Variants in DLGAP4 observed in about 807,000 individuals in gnomAD.
DLGAP4 encodes the protein disks large-associated protein 4.
In DLGAP4, 18 loss-of-function variants were observed where a neutral mutation model predicts 86.9. The observed-to-expected ratio is 0.21, with a 90% CI of 0.14 to 0.31. The LOEUF (loss-of-function observed/expected upper bound fraction) is 0.31, where lower values mean the gene tolerates loss of function less well. DLGAP4 is among the 10% of genes least tolerant of loss of function. DLGAP4 has a pLI of 1.00. For missense variants in DLGAP4, 1,085 were observed against 1,362.6 expected (o/e 0.80, Z 3.21); for synonymous variants, 548 against 574.3 (o/e 0.95, Z 0.65).
rs985910320 is a variant in DLGAP4, at chr20:36,318,609, A to G, written c.-304+12097A>G. On this transcript the variant is annotated intron_variant, in intron 1 of 12. Coordinates refer to ENST00000339266, the MANE Select transcript of DLGAP4 (RefSeq NM_001365621.2). Reference sequence around the variant, plus strand: ...GGCTGGTCTTGAACTCCTGGCTTCAAGTGATCCTCCCACCTCAACCTCTCA... The same window carrying G: ...GGCTGGTCTTGAACTCCTGGCTTCAGGTGATCCTCCCACCTCAACCTCTCA... Among the ~76,000 whole-genome samples the G allele has an allele frequency of 4.9e-4, 74 of 152,224 alleles. 1 individual carries two copies. In the East Asian group the frequency reaches 0.013, roughly 27 times the overall value.
chr20:36,410,374 C>T (rs149619430), intron 2 of DLGAP4, among the ~76,000 whole-genome samples: 10 of 152,282 alleles, frequency 6.6e-5, no homozygotes, highest in South Asian at 2.1e-4. Context: ...GTGGAGAATA[C>T]GGACCCCAAC....
Position 36,318,496 on chromosome 20 carries a change from C to G in DLGAP4, c.-304+11984C>G, listed in dbSNP as rs887881816. On this transcript the variant is annotated intron_variant, in intron 1 of 12. Coordinates refer to ENST00000339266, the MANE Select transcript of DLGAP4 (RefSeq NM_001365621.2). ...CAAGTGTTCCTCCCCACTCAGCCTCCCGAGTAGCTGGGACTACAGGGGTGC... is the reference window on the plus strand; with the variant it reads ...CAAGTGTTCCTCCCCACTCAGCCTCGCGAGTAGCTGGGACTACAGGGGTGC... Among the ~76,000 whole-genome samples, 729 of 152,284 alleles carry G rather than the reference C, an allele frequency of 4.8e-3. 3 individuals are homozygous for G. Among genetic ancestry groups the G allele is most frequent in the African/African-American group, 0.016 (683 of 41,556 alleles).
At chr20:36,458,042 G>A (rs1000125538) in intron 7 of DLGAP4, among the ~76,000 whole-genome samples, 1 of 152,144 alleles carries the variant, frequency 6.6e-6, no homozygotes, top group Non-Finnish European at 1.5e-5. Context: ...CAGGCTGGTG[G>A]GGGGCAGAGC....
rs2033130276 is a variant in DLGAP4, at chr20:36,431,564, T to C, written c.-72-82T>C. 1 of 828,198 alleles carries C rather than the reference T, an allele frequency of 1.2e-6. No individual in the cohort carries two copies. The highest frequency in any genetic ancestry group is 1.8e-6 in the Non-Finnish European group (1 of 547,972). The allele number at this position is 828,198 out of a possible 1,614,324, so 51.3% of individuals were successfully genotyped here. ...CTGGCTTCAGAGATCCTCCCAGCCTTGCGATCTGGATCTGACCTTCCCGGC... is the reference window on the plus strand; with the variant it reads ...CTGGCTTCAGAGATCCTCCCAGCCTCGCGATCTGGATCTGACCTTCCCGGC... On this transcript the variant is annotated intron_variant, in intron 2 of 12. Coordinates refer to ENST00000339266, the MANE Select transcript of DLGAP4 (RefSeq NM_001365621.2). This position sits in a 1 kb window ranked among gnomAD's most constrained non-coding sequence, Gnocchi z 5.1.
intron 7 of DLGAP4, among the ~76,000 whole-genome samples, chr20:36,458,019 A>AG (rs1173506591): frequency 6.6e-6 from 1 of 151,986 alleles, no homozygotes; most frequent in African/African-American, 2.4e-5. Flanking sequence ...GCCCTGAGGC[A>AG]GGAGGTGCCT....
At chr20:36,348,807 A>G (rs2030031347) in intron 1 of DLGAP4, among the ~76,000 whole-genome samples, 1 of 151,916 alleles carries the variant, frequency 6.6e-6, no homozygotes, top group Non-Finnish European at 1.5e-5. Flanking sequence ...TCAGGAATAA[A>G]GAGTGATATG....
rs746692284 is a variant in DLGAP4 at position 36,439,804 on chromosome 20, C to T, written c.1292C>T (p.Pro431Leu). The T allele has an allele frequency of 2.5e-5, 40 of 1,613,744 alleles. No homozygotes were observed. Among genetic ancestry groups the T allele is most frequent in the East Asian group, 1.8e-4 (8 of 44,886 alleles). Residue 431 changes from proline to leucine, a missense_variant, in exon 5 of 13, where the codon CCG becomes CTG. By Grantham distance (98) the Pro-to-Leu change is moderately conservative. Around this residue, in one of 2 missense-constraint regions of DLGAP4, gnomAD observed 1,082 missense variants for 1,344.1 expected, o/e 0.81. Coordinates refer to ENST00000339266, the MANE Select transcript of DLGAP4 (RefSeq NM_001365621.2). Reference sequence around the variant, plus strand: ...GACATGCTGCTGCCCTCCAAGTGTCCGAGCTGGGAAGAGGACTACACCCCC... The same window carrying T: ...GACATGCTGCTGCCCTCCAAGTGTCTGAGCTGGGAAGAGGACTACACCCCC... ...SVDMLLPSKC[P>L]SWEEDYTPVS...
chr20:36,386,294 T>G (rs1328734566), intron 2 of DLGAP4, among the ~76,000 whole-genome samples: 1 of 151,530 alleles, frequency 6.6e-6, no homozygotes, highest in East Asian at 1.9e-4. Flanking sequence ...ATAGCAAGGA[T>G]AGAAGTTGGG....
At chr20:36,439,663 G>A in intron 4 of DLGAP4, 91 bp from the exon 5 acceptor site, 1 of 1,088,022 alleles carries the variant, frequency 9.2e-7, no homozygotes, top group South Asian at 1.3e-5. Context: ...CACAGGTGTG[G>A]ACCACCTGTG....
At chr20:36,411,035 G>A (rs2032482220) in intron 2 of DLGAP4, among the ~76,000 whole-genome samples, 1 of 152,142 alleles carries the variant, frequency 6.6e-6, no homozygotes, top group Non-Finnish European at 1.5e-5. Flanking sequence ...CTGTTGCCCA[G>A]GCTGGAATGC....
At chr20:36,314,022 C>G (rs1029958153) in intron 1 of DLGAP4, among the ~76,000 whole-genome samples, 1 of 152,084 alleles carries the variant, frequency 6.6e-6, no homozygotes, top group African/African-American at 2.4e-5. Flanking sequence ...GTGAGTGTGG[C>G]GGCAGGTGAA....
chr20:36,346,857 G>A (rs2147382601), intron 1 of DLGAP4, among the ~76,000 whole-genome samples: 1 of 152,262 alleles, frequency 6.6e-6, no homozygotes, highest in Middle Eastern at 3.4e-3. Context: ...TGAAGTCACA[G>A]TGGCCAAAAA....
rs942967205 is a variant in DLGAP4, at chr20:36,306,803, C to G, written c.-304+291C>G. 2.0e-5 allele frequency among the ~76,000 whole-genome samples: 3 copies of G among 152,172 alleles called. No homozygotes were observed. Among genetic ancestry groups the G allele is most frequent in the African/African-American group, 7.2e-5 (3 of 41,450 alleles). ...GGCACCGGGGCCCGGAACCCCTGTC[C>G]GGGACCGGATCCCCATTCCGGCTCT... On this transcript the variant is annotated intron_variant, in intron 1 of 12. Coordinates refer to ENST00000339266, the MANE Select transcript of DLGAP4 (RefSeq NM_001365621.2). The surrounding 1 kb of genome is among the most constrained non-coding windows in gnomAD (Gnocchi z 4.9).
At chr20:36,414,575 G>T (rs983343313) in intron 2 of DLGAP4, among the ~76,000 whole-genome samples, 1 of 152,248 alleles carries the variant, frequency 6.6e-6, no homozygotes, top group African/African-American at 2.4e-5. Context: ...TCCACCTGCT[G>T]TGTGACCTTG....
At chr20:36,498,336 CAGAA>C in intron 8 of DLGAP4, 1 of 152,338 alleles carries the variant, frequency 6.6e-6, no homozygotes, top group Non-Finnish European at 1.5e-5. Flanking sequence ...GTGGGATTCT[CAGAA>C]ACACAGAGAG....
chr20:36,466,818 A>G (rs1408262605), intron 7 of DLGAP4, among the ~76,000 whole-genome samples: 1 of 152,118 alleles, frequency 6.6e-6, no homozygotes, highest in Non-Finnish European at 1.5e-5. Context: ...GTCTCTGTAC[A>G]TCACTGGCCT....
chr20:36,317,745 C>T (rs1018932270), intron 1 of DLGAP4, among the ~76,000 whole-genome samples: 54 of 151,984 alleles, frequency 3.6e-4, no homozygotes, highest in African/African-American at 1.2e-3. Context: ...CGTGAGCCAC[C>T]GAGCCCAGCA....
intron 1 of DLGAP4, among the ~76,000 whole-genome samples, chr20:36,315,301 C>T (rs2065088553): frequency 6.6e-6 from 1 of 151,920 alleles, no homozygotes; most frequent in Admixed American, 6.6e-5. Context: ...GAGACCGTAG[C>T]TGTCTTGGTG....
At chr20:36,520,394 G>A (rs2037304238) in intron 10 of DLGAP4, among the ~76,000 whole-genome samples, 1 of 152,022 alleles carries the variant, frequency 6.6e-6, no homozygotes, top group African/African-American at 2.4e-5. Context: ...TGCCCAGGCT[G>A]GAGTGCAGTG....
Sources: gnomAD v4.1 joint callset for allele counts (sites outside exome capture counted in the v4.1 genomes callset) on GRCh38, gnomAD v4.1.1 for gene constraint, gnomAD v4.1.1 regional missense constraint, Gnocchi (gnomAD v3.1) non-coding constraint, MANE v1.5 for transcripts, NCBI Gene and HGNC (gene_info 2026-07-23, HGNC 2026-07-21) for gene names.